The following TMEM114 variants were observed in gnomAD, a reference collection of about 807,000 sequenced individuals.
TMEM114 encodes the protein transmembrane protein 114.
Under a neutral mutation model 6.2 loss-of-function variants are expected in TMEM114, and 6 were observed. The observed-to-expected ratio is 0.97, with a 90% CI of 0.53 to 1.91. TMEM114 has a LOEUF of 1.91. Among genes scored for constraint, TMEM114 ranks in the 40% most tolerant of loss-of-function variants. The pLI, the probability that TMEM114 is intolerant of heterozygous loss-of-function variation, is 0.01. For synonymous variants in TMEM114, 104 were observed against 73.0 expected (o/e 1.42, Z -2.16); for missense variants, 218 against 158.3 (o/e 1.38, Z -2.02).
intron 2 of TMEM114, among the ~76,000 whole-genome samples, chr16:8,588,319 A>T (rs1163378821): frequency 6.6e-6 from 1 of 151,976 alleles, no homozygotes; most frequent in Middle Eastern, 3.2e-3. Flanking sequence ...CACATTTTCA[A>T]AGTCTATGAA....
chr16:8,564,557 GTGAGTGAGTGAA>G (rs1166352844), downstream of TMEM114, among the ~76,000 whole-genome samples: 1 of 138,184 alleles, frequency 7.2e-6, no homozygotes, highest in African/African-American at 2.9e-5. Context: ...CAGGGAATGA[GTGAGTGAGTGAA>G]TGAGTGAGTG....
exon 3 of TMEM114, chr16:8,537,790 A>G (rs557288976): frequency 4.6e-5 from 7 of 152,292 alleles, no homozygotes; most frequent in African/African-American, 1.7e-4. Flanking sequence ...ACTGTTAATA[A>G]TTCACCATTG....
chr16:8,589,959 G>A lies in TMEM114; in HGVS notation c.-121C>T. 1 of 387,088 alleles carries A rather than the reference G, an allele frequency of 2.6e-6. No individual in the cohort carries two copies. Among genetic ancestry groups the A allele is most frequent in the Non-Finnish European group, 4.6e-6 (1 of 219,188 alleles). The allele number at this position is 387,088 out of a possible 1,614,324, so 24.0% of individuals were successfully genotyped here. ...GCTCCACCGCCGCCAGAGCCGCGGAGCTCAGATCTGAAAGCCTTTCCTTTG... is the reference window on the plus strand; with the variant it reads ...GCTCCACCGCCGCCAGAGCCGCGGAACTCAGATCTGAAAGCCTTTCCTTTG... On this transcript the variant is annotated 5_prime_UTR_variant, in exon 1 of 4. Transcript: ENST00000620492.
At chr16:8,562,400 GTGAA>G (rs1346445085) in intron 2 of TMEM114, among the ~76,000 whole-genome samples, 2 of 150,846 alleles carry the variant, frequency 1.3e-5, no homozygotes, top group East Asian at 2.0e-4. Flanking sequence ...GAGTGAGTGA[GTGAA>G]TGAGTAAATG....
chr16:8,547,978 C>A (rs986409493), intron 2 of TMEM114, among the ~76,000 whole-genome samples: 21 of 152,246 alleles, frequency 1.4e-4, no homozygotes, highest in African/African-American at 4.8e-4. Flanking sequence ...GATTCCCAGT[C>A]CAGGTGATAG....
At chr16:8,589,484 C>A in intron 1 of TMEM114, 135 bp downstream of exon 1, 2 of 398,000 alleles carry the variant, frequency 5.0e-6, no homozygotes, top group Non-Finnish European at 8.8e-6. Flanking sequence ...TGCTCACCTT[C>A]CCCCCGAGTC....
intron 2 of TMEM114, among the ~76,000 whole-genome samples, chr16:8,580,612 A>T (rs1056079434): frequency 6.6e-6 from 1 of 151,934 alleles, no homozygotes; most frequent in South Asian, 2.1e-4. Flanking sequence ...GCATCTTCCC[A>T]GTTTTTGTCC....
intron 2 of TMEM114, among the ~76,000 whole-genome samples, chr16:8,550,279 A>G (rs1401847337): frequency 2.6e-5 from 4 of 152,264 alleles, no homozygotes; most frequent in African/African-American, 4.8e-5. Flanking sequence ...AAATACCCAG[A>G]TACATCCAGA....
intron 2 of TMEM114, among the ~76,000 whole-genome samples, chr16:8,553,805 T>C (rs913672384): frequency 2.0e-5 from 3 of 152,014 alleles, no homozygotes; most frequent in Non-Finnish European, 4.4e-5. Flanking sequence ...AAGTTCATTA[T>C]CTTCCCACCT....
At chr16:8,533,895 G>A (rs80029478), downstream of TMEM114, among the ~76,000 whole-genome samples, 707 of 152,294 alleles carry the variant, frequency 4.6e-3, 11 homozygotes, top group African/African-American at 0.016. Flanking sequence ...CTGTCCAGGA[G>A]AAGGATGCAA....
chr16:8,532,364 A>C, the TMEM114 span, among the ~76,000 whole-genome samples: 1 of 152,128 alleles, frequency 6.6e-6, no homozygotes, highest in Non-Finnish European at 1.5e-5. Context: ...GGAAGTTTGG[A>C]TGTCGTGATC....
chr16:8,543,632 C>T (rs893228869), intron 2 of TMEM114, among the ~76,000 whole-genome samples: 1 of 152,132 alleles, frequency 6.6e-6, no homozygotes, highest in Non-Finnish European at 1.5e-5. Context: ...CTTCCTTTCT[C>T]AATGACAGCC....
chr16:8,548,070 C>T (rs145008775), intron 2 of TMEM114, among the ~76,000 whole-genome samples: 98 of 152,302 alleles, frequency 6.4e-4, no homozygotes, highest in African/African-American at 2.0e-3. Flanking sequence ...GCAAGTTTCA[C>T]GCTCCTGGAA....
intron 2 of TMEM114, among the ~76,000 whole-genome samples, chr16:8,562,657 T>C (rs1225828894): frequency 6.6e-6 from 1 of 150,854 alleles, no homozygotes; most frequent in African/African-American, 2.5e-5. Context: ...AATGAATGAG[T>C]CAATGAATTA....
chr16:8,565,493 C>G (rs902233627), downstream of TMEM114, among the ~76,000 whole-genome samples: 2 of 152,102 alleles, frequency 1.3e-5, no homozygotes, highest in Admixed American at 6.5e-5. Flanking sequence ...GCTGAGCCTC[C>G]CCAGCAAAGG....
intron 2 of TMEM114, among the ~76,000 whole-genome samples, chr16:8,550,414 C>T (rs1449763937): frequency 6.6e-6 from 1 of 152,134 alleles, no homozygotes; most frequent in African/African-American, 2.4e-5. Context: ...GGTGCGGTGG[C>T]TCACGCCTGC....
downstream of TMEM114, among the ~76,000 whole-genome samples, chr16:8,536,703 C>A (rs555654734): frequency 6.6e-6 from 1 of 151,536 alleles, no homozygotes; most frequent in African/African-American, 2.4e-5. Context: ...GGGTTTTTTG[C>A]TTCCATGTTT....
chr16:8,534,254 A>T (rs370271562), downstream of TMEM114, among the ~76,000 whole-genome samples: 23 of 152,296 alleles, frequency 1.5e-4, no homozygotes, highest in East Asian at 3.3e-3. Context: ...ATCTGTGCAA[A>T]TGTAATTCTT....
intron 2 of TMEM114, among the ~76,000 whole-genome samples, chr16:8,563,461 A>ATGAGTAAGTGAATGAG (rs1479160604): frequency 6.7e-6 from 1 of 148,768 alleles, no homozygotes; most frequent in Non-Finnish European, 1.5e-5. Context: ...GAGTGAGTGA[A>ATGAGTAAGTGAATGAG]TGAGTAAGTG....
Sources: gnomAD v4.1 joint callset for allele counts (sites outside exome capture counted in the v4.1 genomes callset) on GRCh38, gnomAD v4.1.1 for gene constraint, MANE v1.5 for transcripts, NCBI Gene and HGNC (gene_info 2026-07-23, HGNC 2026-07-21) for gene names.